TRIM24: variants seen among roughly 807,000 people sequenced by gnomAD.
TRIM24 encodes the protein transcription intermediary factor 1-alpha.
A neutral mutation model predicts 123.9 loss-of-function variants in TRIM24; 29 were observed. The observed-to-expected ratio is 0.23, with a 90% CI of 0.17 to 0.32. The LOEUF is 0.32. Among genes scored for constraint, TRIM24 ranks in the 10% least tolerant of loss-of-function variants. TRIM24 has a pLI of 1.00. For synonymous variants in TRIM24, 456 were observed against 461.1 expected (o/e 0.99, Z 0.14); for missense variants, 932 against 1,295.3 (o/e 0.72, Z 4.31).
intron 1 of TRIM24, among the ~76,000 whole-genome samples, chr7:138,495,311 A>G: frequency 6.6e-6 from 1 of 152,206 alleles, no homozygotes; most frequent in South Asian, 2.1e-4. Flanking sequence ...GTGAACCTAC[A>G]AAATGTATCG....
chr7:138,583,780 T>A (rs1797955137), intron 17 of TRIM24, 70 bp from the exon 18 acceptor site: 15 of 1,093,322 alleles, frequency 1.4e-5, no homozygotes, highest in Non-Finnish European at 1.8e-5. Flanking sequence ...TTAGAGCACA[T>A]CTCATAGAAT....
Position 138,502,874 on chromosome 7 carries a change from A to G in TRIM24, c.365-1416A>G, listed in dbSNP as rs551147909. Among the ~76,000 whole-genome samples, 4 of 152,354 alleles carry G rather than the reference A, an allele frequency of 2.6e-5. No homozygotes were observed. The South Asian group carries it at 8.3e-4, about 32-fold the overall frequency. On this transcript the variant is annotated intron_variant, in intron 1 of 18. Transcript: ENST00000343526. ...TTCTGTAACAAAGGTGAATATATTA[A>G]TCTTTCCCTTATAGCTCTTGCTTTT...
intron 9 of TRIM24, among the ~76,000 whole-genome samples, chr7:138,562,541 ACATGATTC>A (rs1797448613): frequency 6.6e-6 from 1 of 152,140 alleles, no homozygotes. Flanking sequence ...TTGACTACAA[ACATGATTC>A]CATGTTAGTA....
chr7:138,513,915 G>C (rs532133250), intron 2 of TRIM24, among the ~76,000 whole-genome samples: 5 of 152,302 alleles, frequency 3.3e-5, no homozygotes, highest in African/African-American at 1.2e-4. Context: ...TAGAGATGCT[G>C]TGTGAGGCTA....
intron 10 of TRIM24, 144 bp from the exon 11 acceptor site, chr7:138,570,686 C>A: frequency 1.2e-3 from 432 of 348,222 alleles, no homozygotes; most frequent in Middle Eastern, 3.8e-3. Flanking sequence ...ATTATATATA[C>A]TTGTGCAGTC....
chr7:138,482,326 C>T (rs754423413), intron 1 of TRIM24, among the ~76,000 whole-genome samples: 12 of 152,074 alleles, frequency 7.9e-5, no homozygotes, highest in Non-Finnish European at 1.6e-4. Flanking sequence ...TCAGAAGCAT[C>T]TTCTAATTGT....
intron 1 of TRIM24, among the ~76,000 whole-genome samples, chr7:138,462,718 G>A (rs1017026149): frequency 2.6e-5 from 4 of 152,096 alleles, no homozygotes; most frequent in Non-Finnish European, 5.9e-5. Context: ...ACCCTTGAAT[G>A]TCTTCTGTCA....
chr7:138,505,044 A>G lies in TRIM24; in HGVS notation c.483+636A>G, dbSNP rs372334234. On this transcript the variant is annotated intron_variant, in intron 2 of 18. Transcript: ENST00000343526. Reference sequence around the variant, plus strand: ...TCAAAGTGTTGGGATTATAGGCGTGAGCCACCGTGCCTGGCCTCTTTTTGC... The same window carrying G: ...TCAAAGTGTTGGGATTATAGGCGTGGGCCACCGTGCCTGGCCTCTTTTTGC... Among the ~76,000 whole-genome samples the G allele has an allele frequency of 2.0e-5, 3 of 152,340 alleles. No homozygotes were observed. In the East Asian group the frequency reaches 5.8e-4, roughly 29 times the overall value.
At chr7:138,519,136 T>C in intron 3 of TRIM24, 53 bp from the exon 4 acceptor site, 1 of 1,602,876 alleles carries the variant, frequency 6.2e-7, no homozygotes, top group Non-Finnish European at 8.5e-7. Context: ...TAATAATTAT[T>C]TACTATTCAA....
At position 138,586,360 on chromosome 7, in the gene TRIM24, A is replaced by C. The variant is rs1001522778; in HGVS notation, c.*1409A>C. On this transcript the variant is annotated 3_prime_UTR_variant, in exon 19 of 19. Coordinates refer to ENST00000343526, the MANE Select transcript of TRIM24 (RefSeq NM_015905.3). ...TTGAAAGAAGGCTATTATTTGCATT[A>C]TATCACCTGCCATAAATTTAACATA... 2.0e-5 allele frequency: 3 copies of C among 153,698 alleles called. No individual in the cohort carries two copies. The highest frequency in any genetic ancestry group is 7.2e-5 in the African/African-American group (3 of 41,454). The allele number at this position is 153,698 out of a possible 1,614,324, so 9.5% of individuals were successfully genotyped here. A position where few individuals can be genotyped will look rare whatever the true frequency, so the allele number is the denominator to read the frequency against.
intron 6 of TRIM24, among the ~76,000 whole-genome samples, chr7:138,531,477 T>C (rs1361291801): frequency 2.0e-5 from 3 of 152,016 alleles, no homozygotes; most frequent in Admixed American, 1.3e-4. Flanking sequence ...GTTTGGTTTT[T>C]TGTCCCTGCG....
intron 2 of TRIM24, among the ~76,000 whole-genome samples, chr7:138,504,826 T>C (rs1584705409): frequency 6.7e-6 from 1 of 149,214 alleles, no homozygotes; most frequent in Non-Finnish European, 1.5e-5. Flanking sequence ...AGTGGTGCGA[T>C]CTTGGCTCAC....
chr7:138,467,130 G>T (rs1795160226), intron 1 of TRIM24, among the ~76,000 whole-genome samples: 1 of 152,116 alleles, frequency 6.6e-6, no homozygotes, highest in South Asian at 2.1e-4. Context: ...AATACATAAT[G>T]TTTTTTGATT....
At chr7:138,539,034 A>G (rs1796949011) in intron 7 of TRIM24, among the ~76,000 whole-genome samples, 1 of 152,170 alleles carries the variant, frequency 6.6e-6, no homozygotes, top group Non-Finnish European at 1.5e-5. Flanking sequence ...CACTGTCTTC[A>G]TAGCAATTGA....
At chr7:138,500,155 A>C (rs992607987) in intron 1 of TRIM24, among the ~76,000 whole-genome samples, 1 of 152,242 alleles carries the variant, frequency 6.6e-6, no homozygotes, top group African/African-American at 2.4e-5. Context: ...ATGTCAAAAC[A>C]TAAGCCCTGC....
At chr7:138,508,693 G>GTGCGCGCA (rs1563038780) in intron 2 of TRIM24, among the ~76,000 whole-genome samples, 1 of 27,830 alleles carries the variant, frequency 3.6e-5, no homozygotes, top group Admixed American at 3.6e-4. Flanking sequence ...GTGTGTGTGT[G>GTGCGCGCA]CGCGCGCGTG....
At chr7:138,539,744 C>G (rs1796964826) in intron 7 of TRIM24, among the ~76,000 whole-genome samples, 1 of 150,688 alleles carries the variant, frequency 6.6e-6, no homozygotes, top group African/African-American at 2.4e-5. Context: ...TGTAGTGTAA[C>G]TGTGCAGTAG....
Position 138,589,129 on chromosome 7 carries a change from A to G in TRIM24, c.*4178A>G, listed in dbSNP as rs1375258762. The G allele has an allele frequency of 1.1e-5, 1 of 87,798 alleles. No individual in the cohort carries two copies. The highest frequency in any genetic ancestry group is 3.0e-5 in the Non-Finnish European group (1 of 33,554). The allele number at this position is 87,798 out of a possible 1,614,324, so 5.4% of individuals were successfully genotyped here. On this transcript the variant is annotated 3_prime_UTR_variant, in exon 19 of 19. Transcript: ENST00000343526. ...AGTATTTTATAGCCCTATGTAAATT[A>G]ATAGTTGATGTCTTTTTATAAATGT...
chr7:138,568,710 T>C (rs1797590476), intron 10 of TRIM24, among the ~76,000 whole-genome samples: 1 of 148,120 alleles, frequency 6.8e-6, no homozygotes, highest in Non-Finnish European at 1.5e-5. Flanking sequence ...ACTTAGTGTC[T>C]TCAGGTAAAA....
Sources: gnomAD v4.1 joint callset for allele counts (sites outside exome capture counted in the v4.1 genomes callset) on GRCh38, gnomAD v4.1.1 for gene constraint, MANE v1.5 for transcripts, NCBI Gene and HGNC (gene_info 2026-07-23, HGNC 2026-07-21) for gene names.